Variants in ASTN1 observed in about 807,000 individuals in gnomAD.
The protein encoded by ASTN1 is astrotactin-1.
Under a neutral mutation model 140.7 loss-of-function variants are expected in ASTN1, and 41 were observed. That is an observed-to-expected ratio of 0.29 (90% CI 0.23 to 0.38). ASTN1 has a LOEUF of 0.38. ASTN1 is among the 10% of genes least tolerant of loss of function. The probability of loss-of-function intolerance (pLI) is 1.00; values close to 1 mark genes in which losing one functional copy is unlikely to be tolerated. For synonymous variants in ASTN1, 640 were observed against 652.2 expected (o/e 0.98, Z 0.29); for missense variants, 1,479 against 1,678.8 (o/e 0.88, Z 2.08).
At chr1:177,063,703 C>G (rs1456913604) in intron 1 of ASTN1, among the ~76,000 whole-genome samples, 1 of 152,092 alleles carries the variant, frequency 6.6e-6, no homozygotes, top group Non-Finnish European at 1.5e-5. Context: ...AAATCAAAGC[C>G]CCAAAAGCTC....
At chr1:176,927,496 G>A (rs1671022634) in intron 16 of ASTN1, among the ~76,000 whole-genome samples, 2 of 152,224 alleles carry the variant, frequency 1.3e-5, no homozygotes, top group Non-Finnish European at 1.5e-5. Flanking sequence ...TGCATCAGGT[G>A]AGGGTTACAA....
chr1:177,041,293 C>A (rs530461306), intron 2 of ASTN1, among the ~76,000 whole-genome samples: 2 of 152,320 alleles, frequency 1.3e-5, no homozygotes, highest in South Asian at 4.1e-4. Context: ...ATGGATGGCA[C>A]CCCAATCAGC....
At chr1:176,937,911 A>G (rs1292162842) in intron 14 of ASTN1, among the ~76,000 whole-genome samples, 1 of 152,210 alleles carries the variant, frequency 6.6e-6, no homozygotes, top group South Asian at 2.1e-4. Context: ...GGTAGGATTA[A>G]TTAGCTGCTT....
At chr1:177,012,025 G>A (rs1261765332) in intron 8 of ASTN1, among the ~76,000 whole-genome samples, 1 of 152,080 alleles carries the variant, frequency 6.6e-6, no homozygotes, top group Admixed American at 6.5e-5. Context: ...TTTAATGTAC[G>A]CAATACAAGA....
intron 1 of ASTN1, among the ~76,000 whole-genome samples, chr1:177,153,609 C>G (rs1018985503): frequency 6.6e-6 from 1 of 152,100 alleles, no homozygotes; most frequent in Non-Finnish European, 1.5e-5. Context: ...ATGAATACTT[C>G]TATAACTTTA....
chr1:177,029,302 CT>C (rs1307473441), intron 5 of ASTN1: 37 of 520,698 alleles, frequency 7.1e-5, no homozygotes, highest in Non-Finnish European at 1.4e-4. Flanking sequence ...ATACAACACA[CT>C]TTATTAACTT....
chr1:176,921,048 G>A (rs1214112157), intron 16 of ASTN1, among the ~76,000 whole-genome samples: 2 of 152,140 alleles, frequency 1.3e-5, no homozygotes, highest in Non-Finnish European at 2.9e-5. Flanking sequence ...CTGAAATGAC[G>A]TATTCTGGGA....
chr1:177,009,212 G>A (rs1035856206), intron 8 of ASTN1, among the ~76,000 whole-genome samples: 1 of 152,118 alleles, frequency 6.6e-6, no homozygotes, highest in Non-Finnish European at 1.5e-5. Context: ...AGTTTTAGGT[G>A]GACAGGAGAA....
intron 21 of ASTN1, among the ~76,000 whole-genome samples, chr1:176,869,746 T>C (rs1668263441): frequency 6.6e-6 from 1 of 152,154 alleles, no homozygotes; most frequent in East Asian, 1.9e-4. Flanking sequence ...CCTGCACTTC[T>C]AGGTGGCATG....
chr1:176,870,689 C>A (rs1668304559), intron 21 of ASTN1, among the ~76,000 whole-genome samples: 1 of 152,162 alleles, frequency 6.6e-6, no homozygotes, highest in Non-Finnish European at 1.5e-5. Flanking sequence ...AAACTTGCAG[C>A]CAGCATATTT....
intron 16 of ASTN1, among the ~76,000 whole-genome samples, chr1:176,899,281 T>C (rs1669661303): frequency 6.6e-6 from 1 of 152,208 alleles, no homozygotes; most frequent in Admixed American, 6.5e-5. Flanking sequence ...GATGTGCACA[T>C]GGCCTTAGGC....
At chr1:177,098,561 T>A (rs1470698956) in intron 1 of ASTN1, among the ~76,000 whole-genome samples, 1 of 152,114 alleles carries the variant, frequency 6.6e-6, no homozygotes, top group Non-Finnish European at 1.5e-5. Flanking sequence ...TAGCATTGGA[T>A]GTGTGGTGGT....
At chr1:177,037,963 G>A (rs943334517) in intron 2 of ASTN1, among the ~76,000 whole-genome samples, 1 of 152,182 alleles carries the variant, frequency 6.6e-6, no homozygotes, top group African/African-American at 2.4e-5. Context: ...ACTTACTTAA[G>A]AGAATAGTAT....
intron 9 of ASTN1, among the ~76,000 whole-genome samples, chr1:176,959,627 C>T (rs1672568587): frequency 6.6e-6 from 1 of 152,170 alleles, no homozygotes. Flanking sequence ...TGCCTACACC[C>T]TGAAAGAGAG....
At chr1:176,946,477 A>G (rs1671964170) in intron 12 of ASTN1, among the ~76,000 whole-genome samples, 1 of 152,198 alleles carries the variant, frequency 6.6e-6, no homozygotes, top group Non-Finnish European at 1.5e-5. Context: ...AAGATATTCT[A>G]GAGCTTTTCT....
At chr1:177,020,745 G>T (rs971917104) in intron 7 of ASTN1, among the ~76,000 whole-genome samples, 2 of 152,188 alleles carry the variant, frequency 1.3e-5, no homozygotes, top group Admixed American at 1.3e-4. Context: ...GCATGGTGCA[G>T]GTGACAGGTA....
intron 1 of ASTN1, among the ~76,000 whole-genome samples, chr1:177,147,297 T>A (rs1682762272): frequency 6.6e-6 from 1 of 152,030 alleles, no homozygotes; most frequent in South Asian, 2.1e-4. Context: ...TTCCCAGGAG[T>A]TAGTCTGTTA....
intron 11 of ASTN1, among the ~76,000 whole-genome samples, chr1:176,957,035 C>A (rs1046773171): frequency 1.3e-5 from 2 of 152,050 alleles, no homozygotes; most frequent in African/African-American, 4.8e-5. Context: ...GTAGGTAAGA[C>A]TATCAGCATA....
chr1:176,986,050 T>G (rs1437986170), intron 8 of ASTN1, among the ~76,000 whole-genome samples: 1 of 152,164 alleles, frequency 6.6e-6, no homozygotes, highest in Non-Finnish European at 1.5e-5. Context: ...TGCGCCCGCC[T>G]CTGAAGCTGC....
Sources: gnomAD v4.1 joint callset for allele counts (sites outside exome capture counted in the v4.1 genomes callset) on GRCh38, gnomAD v4.1.1 for gene constraint, MANE v1.5 for transcripts, NCBI Gene and HGNC (gene_info 2026-07-23, HGNC 2026-07-21) for gene names.